PABPC4L: variants seen among roughly 807,000 people sequenced by gnomAD.
The protein encoded by PABPC4L is poly(A) binding protein cytoplasmic 4 like.
For synonymous variants in PABPC4L, 169 were observed against 164.1 expected, an observed-to-expected ratio of 1.03 and a Z score of -0.23; for missense variants, 452 against 451.4, an observed-to-expected ratio of 1.00 and a Z score of -0.01.
At chr4:133,983,037 T>G in the PABPC4L span, among the ~76,000 whole-genome samples, 1 of 151,946 alleles carries the variant, frequency 6.6e-6, no homozygotes, top group African/African-American at 2.4e-5. Flanking sequence ...TTGTCTCAAG[T>G]TTTACATATT....
the PABPC4L span, among the ~76,000 whole-genome samples, chr4:133,961,428 C>T: frequency 6.6e-6 from 1 of 152,150 alleles, no homozygotes; most frequent in Non-Finnish European, 1.5e-5. Context: ...AAACACGGGC[C>T]TTGCAACTTA....
chr4:134,026,308 T>C, the PABPC4L span, among the ~76,000 whole-genome samples: 1 of 151,810 alleles, frequency 6.6e-6, no homozygotes, highest in African/African-American at 2.4e-5. Flanking sequence ...CAATCTCGGC[T>C]CGCTGCAACA....
the PABPC4L span, among the ~76,000 whole-genome samples, chr4:133,968,428 A>T: frequency 6.6e-6 from 1 of 152,316 alleles, no homozygotes; most frequent in South Asian, 2.1e-4. Context: ...ATAAAATTGG[A>T]GTACAGAACA....
the PABPC4L span, among the ~76,000 whole-genome samples, chr4:134,003,258 T>C: frequency 6.6e-6 from 1 of 151,988 alleles, no homozygotes; most frequent in African/African-American, 2.4e-5. Context: ...CAGTTATGTA[T>C]ATTCACATGT....
chr4:134,195,169 C>G (rs1729621254), downstream of PABPC4L, among the ~76,000 whole-genome samples: 1 of 151,598 alleles, frequency 6.6e-6, no homozygotes, highest in African/African-American at 2.4e-5. Flanking sequence ...TCAAAACAAT[C>G]TAGTTATAAT....
chr4:134,079,715 A>G, the PABPC4L span, among the ~76,000 whole-genome samples: 2 of 150,478 alleles, frequency 1.3e-5, no homozygotes, highest in South Asian at 4.2e-4. Context: ...GAGAGAGAGA[A>G]AGAGAGAGAG....
chr4:133,978,062 A>G, the PABPC4L span: 1 of 152,176 alleles, frequency 6.6e-6, no homozygotes, highest in Non-Finnish European at 1.5e-5. Flanking sequence ...ACATATGTAT[A>G]AATAACATTT....
the PABPC4L span, among the ~76,000 whole-genome samples, chr4:134,027,455 T>C: frequency 6.6e-6 from 1 of 152,170 alleles, no homozygotes; most frequent in African/African-American, 2.4e-5. Flanking sequence ...GTATATATAC[T>C]ACATTTGCTT....
the PABPC4L span, among the ~76,000 whole-genome samples, chr4:134,098,679 G>A: frequency 2.0e-5 from 3 of 151,622 alleles, no homozygotes; most frequent in Non-Finnish European, 3.0e-5. Flanking sequence ...GCTTATGAAA[G>A]AGGATCACAA....
At chr4:134,038,290 T>G in the PABPC4L span, among the ~76,000 whole-genome samples, 1 of 152,098 alleles carries the variant, frequency 6.6e-6, no homozygotes, top group Non-Finnish European at 1.5e-5. Context: ...TTCCTTTTTT[T>G]GTTGTGTCTC....
the PABPC4L span, among the ~76,000 whole-genome samples, chr4:134,143,380 G>GTA: frequency 1.3e-5 from 2 of 149,512 alleles, no homozygotes; most frequent in Admixed American, 6.7e-5. Flanking sequence ...ATGTAATTGT[G>GTA]TATATATATT....
At chr4:134,002,529 CT>C in the PABPC4L span, among the ~76,000 whole-genome samples, 3 of 151,836 alleles carry the variant, frequency 2.0e-5, no homozygotes, top group Non-Finnish European at 2.9e-5. Flanking sequence ...TTCAGAGAAA[CT>C]TTTTTTATTG....
the PABPC4L span, among the ~76,000 whole-genome samples, chr4:134,182,967 T>A: frequency 2.0e-5 from 3 of 151,874 alleles, no homozygotes; most frequent in African/African-American, 7.2e-5. Flanking sequence ...CAGATGTTTG[T>A]GAGGCTGTGG....
chr4:134,194,486 A>G (rs1729601424), downstream of PABPC4L, among the ~76,000 whole-genome samples: 1 of 151,876 alleles, frequency 6.6e-6, no homozygotes, highest in Non-Finnish European at 1.5e-5. Flanking sequence ...CCAGCTAATC[A>G]GCAAATCTCA....
the PABPC4L span, among the ~76,000 whole-genome samples, chr4:133,969,124 T>C: frequency 6.6e-6 from 1 of 152,186 alleles, no homozygotes; most frequent in South Asian, 2.1e-4. Flanking sequence ...AGTTTGATGT[T>C]TTCTCACTTC....
At chr4:133,991,164 T>C in the PABPC4L span, among the ~76,000 whole-genome samples, 1 of 152,284 alleles carries the variant, frequency 6.6e-6, no homozygotes, top group Admixed American at 6.5e-5. Context: ...CAATATTCTT[T>C]TCCAATCAAG....
the PABPC4L span, among the ~76,000 whole-genome samples, chr4:134,039,696 AT>A: frequency 6.6e-6 from 1 of 151,836 alleles, no homozygotes; most frequent in African/African-American, 2.4e-5. Context: ...CTATCCCTTT[AT>A]GTTGAGCCTA....
the PABPC4L span, among the ~76,000 whole-genome samples, chr4:134,100,847 A>G: frequency 1.3e-3 from 197 of 151,720 alleles, 1 homozygote; most frequent in Admixed American, 3.9e-3. Flanking sequence ...TCTAAATCAT[A>G]TTAAGTATTA....
the PABPC4L span, among the ~76,000 whole-genome samples, chr4:134,083,550 G>A: frequency 2.0e-5 from 3 of 152,142 alleles, no homozygotes; most frequent in Non-Finnish European, 4.4e-5. Flanking sequence ...GGTTTCCGCA[G>A]CTGTCTCTAG....
Sources: allele counts gnomAD v4.1 joint callset (sites outside exome capture counted in the v4.1 genomes callset), GRCh38; gene constraint gnomAD v4.1.1; transcripts MANE v1.5; gene names NCBI Gene and HGNC (gene_info 2026-07-23, HGNC 2026-07-21).